Variants in BCKDHA observed in about 807,000 individuals in gnomAD.
BCKDHA encodes 2-oxoisovalerate dehydrogenase subunit alpha, mitochondrial.
A neutral mutation model predicts 52.2 loss-of-function variants in BCKDHA; 43 were observed. The ratio of observed to expected loss-of-function variants is 0.82; its 90% CI spans 0.64 to 1.06. BCKDHA has a LOEUF of 1.06. BCKDHA is among the 50% of genes least tolerant of loss of function. The probability of loss-of-function intolerance (pLI) is 0.00; values close to 1 mark genes in which losing one functional copy is unlikely to be tolerated. For missense variants in BCKDHA, 527 were observed against 621.3 expected (o/e 0.85, Z 1.61); for synonymous variants, 234 against 247.9 (o/e 0.94, Z 0.53).
rs555266963 is a variant in BCKDHA, at chr19:41,422,901, G to A, written c.996-97G>A. ...TGCATCTCCCCCTTGCCTTTATTCC[G>A]TTTCCACTCCTCCTTCCCTAGTTCA... is the stretch of plus-strand genomic sequence containing the variant. On this transcript the variant is annotated intron_variant, in intron 7 of 8. Coordinates refer to ENST00000269980, the MANE Select transcript of BCKDHA (RefSeq NM_000709.4). 62 of 1,572,296 alleles carry A rather than the reference G, an allele frequency of 3.9e-5. 1 individual carries two copies. The highest frequency in any genetic ancestry group is 3.3e-4 in the Middle Eastern group (2 of 5,982).
At chr19:41,409,798 A>ATTTT (rs10565264) in intron 1 of BCKDHA, among the ~76,000 whole-genome samples, 8 of 109,150 alleles carry the variant, frequency 7.3e-5, no homozygotes, top group East Asian at 2.5e-4. Context: ...CCTCTAAGGG[A>ATTTT]TTTTTTTTTT....
intron 1 of BCKDHA, among the ~76,000 whole-genome samples, chr19:41,408,690 T>G (rs1448877717): frequency 6.6e-6 from 1 of 152,018 alleles, no homozygotes; most frequent in African/African-American, 2.4e-5. Context: ...TGATCATGGC[T>G]TACTGCAGCC....
At chr19:41,405,520 C>A (rs1261414875) in intron 1 of BCKDHA, among the ~76,000 whole-genome samples, 7 of 152,066 alleles carry the variant, frequency 4.6e-5, no homozygotes, top group Non-Finnish European at 1.0e-4. Context: ...CTCAAGCGAT[C>A]CTCCCTCCTT....
chr19:41,422,237 A>G lies in BCKDHA; in HGVS notation c.720A>G (p.Ala240=). Residue 240 remains alanine, a synonymous_variant, in exon 6 of 9, where the codon GCA becomes GCG. Coordinates refer to ENST00000269980, the MANE Select transcript of BCKDHA (RefSeq NM_000709.4). Reference sequence around the variant, plus strand: ...TCATCTGTTACTTCGGCGAGGGGGCAGCCAGTGAGGGGGACGCCCATGCCG... The same window carrying G: ...TCATCTGTTACTTCGGCGAGGGGGCGGCCAGTGAGGGGGACGCCCATGCCG... ...RVVICYFGEG[A]ASEGDAHAGF... is the part of the protein sequence containing the mutation. 1 of 1,614,202 alleles carries G rather than the reference A, an allele frequency of 6.2e-7. No homozygotes were observed. The highest frequency in any genetic ancestry group is 1.3e-5 in the African/African-American group (1 of 75,064).
At chr19:41,421,513 T>C (rs2039363981) in intron 5 of BCKDHA, among the ~76,000 whole-genome samples, 1 of 151,196 alleles carries the variant, frequency 6.6e-6, no homozygotes, top group South Asian at 2.1e-4. Flanking sequence ...TTTGAGGAGC[T>C]GGGAGGAGCC....
At chr19:41,407,737 G>A (rs1346565433) in intron 1 of BCKDHA, among the ~76,000 whole-genome samples, 1 of 152,212 alleles carries the variant, frequency 6.6e-6, no homozygotes, top group Non-Finnish European at 1.5e-5. Context: ...ACACATTTGA[G>A]CACGCATGTG....
At chr19:41,416,835 T>C (rs948849089) in intron 4 of BCKDHA, among the ~76,000 whole-genome samples, 1 of 152,068 alleles carries the variant, frequency 6.6e-6, no homozygotes, top group African/African-American at 2.4e-5. Flanking sequence ...GGAGGATTGC[T>C]TGAGCCCAGA....
rs1294721994 is a variant in BCKDHA, at chr19:41,397,895, T to A, written c.68T>A (p.Leu23Gln). ...LNRGLSQAALLLLRQPGARGL... is the reference protein window; with the variant it reads ...LNRGLSQAALQLLRQPGARGL... ...CGTGGTTTGAGCCAGGCTGCCCTCCTGCTGCTGCGGCAGCCTGGGGCTCGG... is the reference window on the plus strand; with the variant it reads ...CGTGGTTTGAGCCAGGCTGCCCTCCAGCTGCTGCGGCAGCCTGGGGCTCGG... Residue 23 changes from leucine to glutamine, a missense_variant, in exon 1 of 9, where the codon CTG becomes CAG. By Grantham distance (113) the Leu-to-Gln change is moderately radical. Coordinates refer to ENST00000269980, the MANE Select transcript of BCKDHA (RefSeq NM_000709.4). 2 of 1,614,008 alleles carry A rather than the reference T, an allele frequency of 1.2e-6. No homozygotes were observed. Among genetic ancestry groups the A allele is most frequent in the Non-Finnish European group, 1.7e-6 (2 of 1,180,032 alleles).
At chr19:41,415,846 AC>A (rs1599956400) in intron 4 of BCKDHA, among the ~76,000 whole-genome samples, 2 of 143,458 alleles carry the variant, frequency 1.4e-5, no homozygotes, top group East Asian at 4.1e-4. Flanking sequence ...GGCGGGTTTC[AC>A]CATGTTAGCC....
intron 6 of BCKDHA, 67 bp from the exon 7 acceptor site, chr19:41,422,562 C>T: frequency 1.9e-6 from 3 of 1,597,676 alleles, no homozygotes; most frequent in Non-Finnish European, 2.6e-6. Flanking sequence ...CCCTGCTCGT[C>T]CCCTTGGCCT....
intron 4 of BCKDHA, among the ~76,000 whole-genome samples, chr19:41,415,654 CTT>C (rs761831768): frequency 2.7e-5 from 4 of 146,744 alleles, no homozygotes; most frequent in Non-Finnish European, 1.5e-5. Context: ...TTTTCTTCTC[CTT>C]TTTTTTTTTT....
At chr19:41,404,511 G>A (rs998707504) in intron 1 of BCKDHA, among the ~76,000 whole-genome samples, 6 of 151,206 alleles carry the variant, frequency 4.0e-5, no homozygotes, top group Non-Finnish European at 8.8e-5. Flanking sequence ...GGATGGTCTC[G>A]ATCTCCCGAC....
At chr19:41,409,115 A>G (rs937231464) in intron 1 of BCKDHA, among the ~76,000 whole-genome samples, 6 of 151,900 alleles carry the variant, frequency 3.9e-5, no homozygotes, top group African/African-American at 1.5e-4. Context: ...ACGCCCAGCT[A>G]ATTTTTGTAT....
chr19:41,418,991 G>C, intron 4 of BCKDHA, 144 bp from the exon 5 acceptor site: 1 of 957,278 alleles, frequency 1.0e-6, no homozygotes, highest in Non-Finnish European at 1.6e-6. Flanking sequence ...GCTGGGCAGA[G>C]TCAGTCAGTC....
chr19:41,399,734 T>C (rs1211584951), intron 1 of BCKDHA: 3 of 151,270 alleles, frequency 2.0e-5, no homozygotes, highest in Non-Finnish European at 4.4e-5. Flanking sequence ...TTTCCTTTCC[T>C]TTTCTCTTCT....
intron 1 of BCKDHA, among the ~76,000 whole-genome samples, chr19:41,407,635 G>A (rs147608208): frequency 7.9e-4 from 121 of 152,232 alleles, no homozygotes; most frequent in East Asian, 3.1e-3. Flanking sequence ...ATTTCCTCAC[G>A]ACTACAAATG....
rs2122146782 is a variant in BCKDHA, at chr19:41,423,165, G to A, written c.1163G>A (p.Arg388Lys). The A allele has an allele frequency of 6.4e-7, 1 of 1,553,040 alleles. No individual in the cohort carries two copies. Among genetic ancestry groups the A allele is most frequent in the East Asian group, 2.4e-5 (1 of 41,416 alleles). The change falls in exon 8 of 9, where the codon AGG (arginine) becomes AAG (lysine). Residue 388 changes from arginine (R) to lysine (K), a missense_variant. Arg to Lys is a conservative substitution (Grantham distance 26). Transcript: ENST00000269980. ...QEKAWRKQSR[R>K]KVMEAFEQAE... Reference sequence around the variant, plus strand: ...AAGGCCTGGAGGAAGCAGTCCCGCAGGAAGGTGAGGGTGCCCCGCCCGGGA... The same window carrying A: ...AAGGCCTGGAGGAAGCAGTCCCGCAAGAAGGTGAGGGTGCCCCGCCCGGGA...
At chr19:41,408,615 T>C (rs1332472678) in intron 1 of BCKDHA, among the ~76,000 whole-genome samples, 1 of 151,522 alleles carries the variant, frequency 6.6e-6, no homozygotes, top group Non-Finnish European at 1.5e-5. Context: ...CTCCAGCCCC[T>C]CTGAGCTTTT....
intron 1 of BCKDHA, among the ~76,000 whole-genome samples, chr19:41,402,156 C>G (rs1465653648): frequency 1.3e-5 from 2 of 152,140 alleles, no homozygotes; most frequent in Non-Finnish European, 2.9e-5. Flanking sequence ...ATAATGAGAA[C>G]AGCACGTGAA....
Sources: allele counts gnomAD v4.1 joint callset (sites outside exome capture counted in the v4.1 genomes callset), GRCh38; gene constraint gnomAD v4.1.1; transcripts MANE v1.5; gene names NCBI Gene and HGNC (gene_info 2026-07-23, HGNC 2026-07-21).